SLC38A1: variants seen among roughly 807,000 people sequenced by gnomAD.
The protein encoded by SLC38A1 is solute carrier family 38 member 1.
SLC38A1 carries 18 observed loss-of-function variants against 60.3 expected under a neutral mutation model. The ratio of observed to expected loss-of-function variants is 0.30; its 90% confidence interval spans 0.21 to 0.44. SLC38A1 has a LOEUF of 0.44. SLC38A1 is among the 20% of genes least tolerant of loss of function. The pLI is 1.00. For synonymous variants in SLC38A1, 196 were observed against 212.1 expected (o/e 0.92, Z 0.66); for missense variants, 448 against 587.2 (o/e 0.76, Z 2.45).
At chr12:46,257,113 A>T (rs1002025521) in intron 1 of SLC38A1, among the ~76,000 whole-genome samples, 2 of 152,200 alleles carry the variant, frequency 1.3e-5, no homozygotes, top group Non-Finnish European at 2.9e-5. Flanking sequence ...TCAAGAAGTG[A>T]TCTTTTCCAG....
At chr12:46,205,124 A>G (rs1939835891) in intron 9 of SLC38A1, among the ~76,000 whole-genome samples, 1 of 152,142 alleles carries the variant, frequency 6.6e-6, no homozygotes, top group Admixed American at 6.5e-5. Flanking sequence ...TCCCCTTAGA[A>G]TGCCTGGGAG....
At position 46,252,518 on chromosome 12, in the gene SLC38A1, ATTCT is replaced by A. The variant is rs1592149117; in HGVS notation, c.-208-9208_-208-9205del. On this transcript the variant is annotated intron_variant, in intron 1 of 16. Coordinates refer to ENST00000398637, the MANE Select transcript of SLC38A1 (RefSeq NM_030674.4). ...GAAGTATAATAAAATATATATATTC[ATTCT>A]TTATTAATAAATAAATGCTAATTAA... 2.6e-5 allele frequency among the ~76,000 whole-genome samples: 4 copies of A among 151,962 alleles called. No homozygotes were observed. The East Asian group carries it at 7.7e-4, about 29-fold the overall frequency.
intron 16 of SLC38A1, among the ~76,000 whole-genome samples, chr12:46,189,547 A>C (rs1257496986): frequency 6.6e-6 from 1 of 152,250 alleles, no homozygotes; most frequent in Non-Finnish European, 1.5e-5. Context: ...TAAGTGAAAT[A>C]GGAAACAGGT....
intron 1 of SLC38A1, among the ~76,000 whole-genome samples, chr12:46,247,797 T>A (rs1348676706): frequency 2.6e-5 from 4 of 152,172 alleles, no homozygotes; most frequent in Admixed American, 2.6e-4. Flanking sequence ...AAGGTCGGGT[T>A]ACCCACAAAG....
chr12:46,190,200 T>C (rs1324632235), intron 16 of SLC38A1, among the ~76,000 whole-genome samples: 1 of 152,170 alleles, frequency 6.6e-6, no homozygotes, highest in Non-Finnish European at 1.5e-5. Flanking sequence ...TGGTTTTTTG[T>C]CCTTGTGATA....
chr12:46,237,378 G>GGAAAAGTGTCTGAGTTGGGGAC (rs1565782948), intron 3 of SLC38A1, among the ~76,000 whole-genome samples: 1 of 152,044 alleles, frequency 6.6e-6, no homozygotes, highest in African/African-American at 2.4e-5. Flanking sequence ...ATTGGCAAGG[G>GGAAAAGTGTCTGAGTTGGGGAC]TCTTTTTCTT....
At chr12:46,198,793 G>T in intron 13 of SLC38A1, 50 bp from the exon 14 acceptor site, 2 of 1,097,900 alleles carry the variant, frequency 1.8e-6, no homozygotes, top group Non-Finnish European at 2.7e-6. Context: ...AAAGTATATA[G>T]CTGAATGACA....
intron 8 of SLC38A1, among the ~76,000 whole-genome samples, chr12:46,206,621 G>C (rs1171246354): frequency 6.6e-6 from 1 of 152,088 alleles, no homozygotes; most frequent in African/African-American, 2.4e-5. Flanking sequence ...AGAGACTCTG[G>C]CTTCTACGAT....
intron 1 of SLC38A1, among the ~76,000 whole-genome samples, chr12:46,245,528 GC>G (rs1331481977): frequency 2.6e-5 from 4 of 152,170 alleles, no homozygotes; most frequent in African/African-American, 9.7e-5. Flanking sequence ...GTAGTTTGGT[GC>G]ACCATTATAG....
chr12:46,257,861 C>T (rs1287042996), intron 1 of SLC38A1, among the ~76,000 whole-genome samples: 1 of 152,212 alleles, frequency 6.6e-6, no homozygotes, highest in Non-Finnish European at 1.5e-5. Flanking sequence ...CCAATCCAGA[C>T]CCCAGAAGAT....
intron 5 of SLC38A1, among the ~76,000 whole-genome samples, chr12:46,220,997 T>C (rs1940636008): frequency 6.6e-6 from 1 of 152,164 alleles, no homozygotes; most frequent in African/African-American, 2.4e-5. Context: ...GTAGGCTCAA[T>C]TGTAAAACAC....
intron 2 of SLC38A1, among the ~76,000 whole-genome samples, chr12:46,240,489 C>A (rs1304961907): frequency 1.3e-5 from 2 of 152,324 alleles, no homozygotes; most frequent in East Asian, 3.9e-4. Flanking sequence ...AGCCACCGCA[C>A]CCGGCCTGAA....
chr12:46,219,391 T>C (rs1290252895), intron 5 of SLC38A1, among the ~76,000 whole-genome samples: 1 of 152,230 alleles, frequency 6.6e-6, no homozygotes, highest in African/African-American at 2.4e-5. Context: ...ATGTACACTT[T>C]ACAACTATCT....
chr12:46,212,309 C>T (rs1265653445), intron 5 of SLC38A1, among the ~76,000 whole-genome samples: 1 of 152,222 alleles, frequency 6.6e-6, no homozygotes, highest in Non-Finnish European at 1.5e-5. Context: ...CAGAGGAACA[C>T]AAGTGATTCC....
chr12:46,256,661 A>AGC (rs1942041296), intron 1 of SLC38A1, among the ~76,000 whole-genome samples: 3 of 149,112 alleles, frequency 2.0e-5, no homozygotes, highest in African/African-American at 7.4e-5. Flanking sequence ...AGAGAGAGAG[A>AGC]CCAGAAGTCT....
chr12:46,264,104 A>G (rs1172504810), intron 1 of SLC38A1, among the ~76,000 whole-genome samples: 1 of 152,214 alleles, frequency 6.6e-6, no homozygotes, highest in Non-Finnish European at 1.5e-5. Context: ...AACACCCTAG[A>G]TGAGTCTAAT....
intron 5 of SLC38A1, among the ~76,000 whole-genome samples, chr12:46,211,790 G>A (rs1940183791): frequency 6.6e-6 from 1 of 152,166 alleles, no homozygotes; most frequent in African/African-American, 2.4e-5. Context: ...TTGCACCCCA[G>A]AGTACTTAGA....
At chr12:46,261,050 G>A (rs1459952003) in intron 1 of SLC38A1, among the ~76,000 whole-genome samples, 1 of 152,140 alleles carries the variant, frequency 6.6e-6, no homozygotes, top group Non-Finnish European at 1.5e-5. Context: ...TTCCTGCAAT[G>A]GGTCTACTCT....
intron 16 of SLC38A1, among the ~76,000 whole-genome samples, chr12:46,189,471 C>T (rs776915751): frequency 3.9e-4 from 60 of 152,202 alleles, no homozygotes; most frequent in Non-Finnish European, 7.2e-4. Context: ...TAGCTTATCA[C>T]TGGCAAGCAA....
Sources: gnomAD v4.1 joint callset for allele counts (sites outside exome capture counted in the v4.1 genomes callset) on GRCh38, gnomAD v4.1.1 for gene constraint, MANE v1.5 for transcripts, NCBI Gene and HGNC (gene_info 2026-07-23, HGNC 2026-07-21) for gene names.